CRIM1: variants seen among roughly 807,000 people sequenced by gnomAD.
CRIM1 encodes cysteine rich transmembrane BMP regulator 1.
In CRIM1, 32 loss-of-function variants were observed where a neutral mutation model predicts 116.4. That is an observed-to-expected ratio of 0.27 (90% CI 0.21 to 0.37). CRIM1 has a LOEUF of 0.37. Among genes scored for constraint, CRIM1 ranks in the 10% least tolerant of loss-of-function variants. The probability of loss-of-function intolerance (pLI) is 1.00; values close to 1 mark genes in which losing one functional copy is unlikely to be tolerated. For missense variants in CRIM1, 1,331 were observed against 1,354.8 expected, an observed-to-expected ratio of 0.98 and a Z score of 0.28; for synonymous variants, 590 against 509.2, an observed-to-expected ratio of 1.16 and a Z score of -2.13.
At chr2:36,509,795 A>T (rs1681689015) in intron 8 of CRIM1, among the ~76,000 whole-genome samples, 188 bp from the exon 9 acceptor site, 1 of 152,222 alleles carries the variant, frequency 6.6e-6, no homozygotes, top group Non-Finnish European at 1.5e-5. Context: ...TATTATTACC[A>T]AAACATGGAG....
chr2:36,464,582 A>G lies in CRIM1; in HGVS notation c.918A>G (p.Gly306=). 6.2e-7 allele frequency: 1 copy of G among 1,613,980 alleles called. No individual in the cohort carries two copies. Residue 306 remains glycine (G), a synonymous_variant, in exon 5 of 17, where the codon GGA becomes GGG. Transcript: ENST00000280527. ...GLCGFPVCEV[G]STPRIVSRGD... is the part of the protein sequence containing the mutation. ...GTGGTTTCCCCGTGTGTGAGGTGGG[A>G]TCCACTCCCCGCATAGTCTCTCGTG...
intron 2 of CRIM1, among the ~76,000 whole-genome samples, chr2:36,436,921 G>GTAATTTATATGT (rs1675358487): frequency 2.6e-5 from 4 of 152,188 alleles, no homozygotes; most frequent in African/African-American, 9.7e-5. Flanking sequence ...TTAGCAACAA[G>GTAATTTATATGT]TCACACTGAA....
At chr2:36,454,393 T>C (rs986753120) in intron 4 of CRIM1, among the ~76,000 whole-genome samples, 5 of 152,014 alleles carry the variant, frequency 3.3e-5, no homozygotes, top group Admixed American at 3.3e-4. Flanking sequence ...CACACACACA[T>C]ACAGCATCAG....
At chr2:36,529,630 T>C (rs906575237) in intron 13 of CRIM1, 2 of 160,828 alleles carry the variant, frequency 1.2e-5, no homozygotes, top group African/African-American at 4.8e-5. Context: ...ATGAAGTGCT[T>C]AATCAACCCA....
intron 14 of CRIM1, among the ~76,000 whole-genome samples, chr2:36,542,282 A>G (rs914601829): frequency 6.6e-6 from 1 of 152,246 alleles, no homozygotes; most frequent in Admixed American, 6.5e-5. Flanking sequence ...GGAAGTGCTC[A>G]GGAAATATTT....
In CRIM1 at chr2:36,396,811, A is replaced by G. The variant is rs560889856; in HGVS notation, c.505+24A>G. Reference sequence around the variant, plus strand: ...AGGTAAGCATTAATTTTTGTTAACCATCCAGTCGTAAGCCTTAGCATTATG... The same window carrying G: ...AGGTAAGCATTAATTTTTGTTAACCGTCCAGTCGTAAGCCTTAGCATTATG... On this transcript the variant is annotated intron_variant, in intron 2 of 16. Transcript: ENST00000280527. 3.0e-5 allele frequency: 48 copies of G among 1,589,298 alleles called. No homozygotes were observed. In the South Asian group the frequency reaches 5.2e-4, roughly 17 times the overall value.
At chr2:36,416,957 A>C (rs1673665428) in intron 2 of CRIM1, among the ~76,000 whole-genome samples, 3 of 152,092 alleles carry the variant, frequency 2.0e-5, no homozygotes, top group Non-Finnish European at 1.5e-5. Flanking sequence ...TCTGCTCCTC[A>C]GCATGTTGGA....
chr2:36,356,772 C>A lies in CRIM1; in HGVS notation c.331+149C>A. ...GCCGCCGCCCCCAGGAGAGTGCCCC[C>A]GCGGCCCTGCGTTCCCTCTCCTTGT... is the stretch of plus-strand genomic sequence containing the variant. On this transcript the variant is annotated intron_variant, in intron 1 of 16. Coordinates refer to ENST00000280527, the MANE Select transcript of CRIM1 (RefSeq NM_016441.3). The surrounding 1 kb of genome is among the most constrained non-coding windows in gnomAD (Gnocchi z 4.3). 1 of 734,544 alleles carries A rather than the reference C, an allele frequency of 1.4e-6. No individual in the cohort carries two copies. Among genetic ancestry groups the A allele is most frequent in the Non-Finnish European group, 2.2e-6 (1 of 459,710 alleles). 45.5% of individuals were successfully genotyped at this position (734,544 alleles called of 1,614,324 possible).
At chr2:36,398,057 A>G (rs984550433) in intron 2 of CRIM1, among the ~76,000 whole-genome samples, 1 of 152,206 alleles carries the variant, frequency 6.6e-6, no homozygotes, top group African/African-American at 2.4e-5. Context: ...TGCCTGCCAC[A>G]AAAGGGTATT....
intron 1 of CRIM1, among the ~76,000 whole-genome samples, chr2:36,389,609 C>T (rs28453873): frequency 0.16 from 24,428 of 152,026 alleles, 2,707 homozygotes; most frequent in African/African-American, 0.32. Flanking sequence ...TAATAGGATG[C>T]AGCCATCTCT....
chr2:36,532,724 C>T (rs1032887970), intron 13 of CRIM1, among the ~76,000 whole-genome samples: 2 of 152,176 alleles, frequency 1.3e-5, no homozygotes, highest in Non-Finnish European at 2.9e-5. Context: ...CCCCTCCTCA[C>T]CCTGCCACTT....
chr2:36,503,974 G>A (rs908145252), intron 8 of CRIM1, among the ~76,000 whole-genome samples: 4 of 151,886 alleles, frequency 2.6e-5, no homozygotes, highest in Admixed American at 1.3e-4. Context: ...AGGCTCAAGC[G>A]ATCCTCCCAC....
intron 6 of CRIM1, 99 bp from the exon 7 acceptor site, chr2:36,479,398 G>T: frequency 8.7e-7 from 1 of 1,151,478 alleles, no homozygotes. Flanking sequence ...GAATAGAACT[G>T]CTGATGACTA....
At chr2:36,375,919 T>C (rs1670284211) in intron 1 of CRIM1, among the ~76,000 whole-genome samples, 1 of 152,300 alleles carries the variant, frequency 6.6e-6, no homozygotes, top group Non-Finnish European at 1.5e-5. Flanking sequence ...AAAATAAACA[T>C]TTTGAAGTTT....
chr2:36,545,276 A>G (rs1056788578), intron 15 of CRIM1, among the ~76,000 whole-genome samples: 1 of 152,296 alleles, frequency 6.6e-6, no homozygotes, highest in South Asian at 2.1e-4. Context: ...GCTTGGATCA[A>G]ACCAGATGAC....
At position 36,425,986 on chromosome 2, in the gene CRIM1, A is replaced by C. The variant is rs112564798; in HGVS notation, c.506-15272A>C. On this transcript the variant is annotated intron_variant, in intron 2 of 16. Transcript: ENST00000280527. ...TAGCTGGTGACAAGCCAACCACCCA[A>C]TTGTTTTTAGCCCATTATCACATAT... Among the ~76,000 whole-genome samples the C allele has an allele frequency of 2.2e-4, 33 of 152,310 alleles. No homozygotes were observed. In the South Asian group the frequency reaches 5.2e-3, roughly 24 times the overall value.
chr2:36,517,596 T>C (rs1171774298), intron 12 of CRIM1, 54 bp downstream of exon 12: 1 of 1,554,654 alleles, frequency 6.4e-7, no homozygotes, highest in South Asian at 1.1e-5. Context: ...CAGCTCTGGG[T>C]GTTGTCATTC....
In CRIM1 at chr2:36,472,817, C is replaced by A. The variant is rs548667157; in HGVS notation, c.992-4072C>A. Among the ~76,000 whole-genome samples the A allele has an allele frequency of 2.6e-5, 4 of 152,304 alleles. No homozygotes were observed. The East Asian group carries it at 7.7e-4, about 29-fold the overall frequency. On this transcript the variant is annotated intron_variant, in intron 5 of 16. Transcript: ENST00000280527. ...GTATAAAAGTACTCCGTTTTCTATA[C>A]TTTTTGGAACTTATAGTGTAGCTGC...
At chr2:36,488,237 G>T (rs927247686) in intron 7 of CRIM1, among the ~76,000 whole-genome samples, 1 of 152,214 alleles carries the variant, frequency 6.6e-6, no homozygotes, top group African/African-American at 2.4e-5. Flanking sequence ...TAAACCATCT[G>T]TTGCAATACT....
Sources: allele counts gnomAD v4.1 joint callset (sites outside exome capture counted in the v4.1 genomes callset), GRCh38; gene constraint gnomAD v4.1.1; non-coding constraint Gnocchi (gnomAD v3.1); transcripts MANE v1.5; gene names NCBI Gene and HGNC (gene_info 2026-07-23, HGNC 2026-07-21).